Variants in ZNF704 observed in about 807,000 individuals in gnomAD.
ZNF704 encodes zinc finger protein 704, also known as glucocorticoid induced gene 1.
A neutral mutation model predicts 44.7 loss-of-function variants in ZNF704; 10 were observed. The ratio of observed to expected loss-of-function variants is 0.22; its 90% CI spans 0.14 to 0.38. The LOEUF (loss-of-function observed/expected upper bound fraction) is 0.38. Among genes scored for constraint, ZNF704 ranks in the 10% least tolerant of loss-of-function variants. ZNF704 has a pLI of 1.00. For missense variants in ZNF704, 390 were observed against 545.5 expected, an observed-to-expected ratio of 0.71 and a Z score of 2.84; for synonymous variants, 211 against 207.6, an observed-to-expected ratio of 1.02 and a Z score of -0.14.
At chr8:80,692,952 C>T (rs189103560) in intron 3 of ZNF704, 52 bp downstream of exon 3, 29 of 1,513,626 alleles carry the variant, frequency 1.9e-5, no homozygotes, top group Admixed American at 3.4e-5. Flanking sequence ...AAAGAAAGGC[C>T]CTGCTCTTGG....
At chr8:80,698,541 T>A (rs147121212) in intron 2 of ZNF704, among the ~76,000 whole-genome samples, 1 of 152,102 alleles carries the variant, frequency 6.6e-6, no homozygotes, top group Non-Finnish European at 1.5e-5. Flanking sequence ...TCAAGTGGAA[T>A]GGGGTTGGGA....
chr8:80,710,484 C>T (rs928114952), intron 2 of ZNF704, among the ~76,000 whole-genome samples: 6 of 152,070 alleles, frequency 3.9e-5, no homozygotes, highest in South Asian at 2.1e-4. Flanking sequence ...GTATGTGTTA[C>T]GACAGTGATT....
At chr8:80,803,324 T>C (rs941187296) in intron 2 of ZNF704, among the ~76,000 whole-genome samples, 1 of 152,132 alleles carries the variant, frequency 6.6e-6, no homozygotes, top group Non-Finnish European at 1.5e-5. Flanking sequence ...TTCACAGAAT[T>C]AGAAAAAACT....
At chr8:80,769,385 CT>C (rs1807281427) in intron 2 of ZNF704, among the ~76,000 whole-genome samples, 1 of 152,166 alleles carries the variant, frequency 6.6e-6, no homozygotes, top group South Asian at 2.1e-4. Context: ...TTTCACACTG[CT>C]GATAAAAGAC....
chr8:80,874,289 G>T lies in ZNF704; in HGVS notation c.-22+282C>A, dbSNP rs1221801294. On this transcript the variant is annotated intron_variant, in intron 1 of 8. Coordinates refer to ENST00000327835, the MANE Select transcript of ZNF704 (RefSeq NM_001033723.3). This position sits in a 1 kb window ranked among gnomAD's most constrained non-coding sequence, Gnocchi z 4.4. ...GGGGCGGCGCGGCGGCCGCGGGCGG[G>T]GGTGGGTGTGAGCGAGCGGCGCGCT... Among the ~76,000 whole-genome samples, 2 of 144,886 alleles carry T rather than the reference G, an allele frequency of 1.4e-5. No homozygotes were observed. The highest frequency in any genetic ancestry group is 2.5e-5 in the African/African-American group (1 of 40,302).
intron 2 of ZNF704, among the ~76,000 whole-genome samples, chr8:80,746,364 T>A (rs1249677282): frequency 6.6e-6 from 1 of 152,358 alleles, no homozygotes; most frequent in East Asian, 1.9e-4. Context: ...AGGGCAGACC[T>A]GGGTTTATGT....
chr8:80,737,100 A>G (rs77611391), intron 2 of ZNF704, among the ~76,000 whole-genome samples: 4 of 152,322 alleles, frequency 2.6e-5, no homozygotes, highest in Non-Finnish European at 4.4e-5. Context: ...TTGCATACCT[A>G]TATACACTAG....
the ZNF704 span, among the ~76,000 whole-genome samples, chr8:80,880,178 C>T: frequency 6.6e-6 from 1 of 152,190 alleles, no homozygotes. Flanking sequence ...CACTTGTCCA[C>T]CTTGTGAACA....
At chr8:80,875,536 T>A (rs971507934), upstream of ZNF704, among the ~76,000 whole-genome samples, 1 of 152,168 alleles carries the variant, frequency 6.6e-6, no homozygotes, top group African/African-American at 2.4e-5. Context: ...ACTCCTGACC[T>A]CAGATGATTT....
chr8:80,825,827 C>T (rs1388851778), intron 1 of ZNF704, among the ~76,000 whole-genome samples: 1 of 152,174 alleles, frequency 6.6e-6, no homozygotes, highest in East Asian at 1.9e-4. Context: ...TGAATGACTA[C>T]TGGGTACATC....
At chr8:80,651,501 G>T (rs1019446625) in intron 7 of ZNF704, among the ~76,000 whole-genome samples, 1 of 152,078 alleles carries the variant, frequency 6.6e-6, no homozygotes, top group Admixed American at 6.5e-5. Flanking sequence ...AACAAAAAAA[G>T]GCAGGGGTTG....
At chr8:80,781,114 A>G (rs1184674547) in intron 2 of ZNF704, among the ~76,000 whole-genome samples, 1 of 152,120 alleles carries the variant, frequency 6.6e-6, no homozygotes, top group Non-Finnish European at 1.5e-5. Context: ...GTCTTGTCTC[A>G]CTGTTCGCCT....
intron 1 of ZNF704, among the ~76,000 whole-genome samples, chr8:80,847,323 C>A (rs900642059): frequency 2.0e-5 from 3 of 151,910 alleles, no homozygotes; most frequent in African/African-American, 4.8e-5. Context: ...TGAAATAAAT[C>A]AAGGAAGACC....
intron 7 of ZNF704, among the ~76,000 whole-genome samples, chr8:80,652,080 C>T (rs1456394755): frequency 6.6e-6 from 1 of 152,130 alleles, no homozygotes; most frequent in Non-Finnish European, 1.5e-5. Flanking sequence ...GGGTACATCA[C>T]GAAATGAAGG....
At chr8:80,717,695 T>C (rs1288707864) in intron 2 of ZNF704, among the ~76,000 whole-genome samples, 1 of 152,270 alleles carries the variant, frequency 6.6e-6, no homozygotes, top group Non-Finnish European at 1.5e-5. Context: ...GTTGGCTAGC[T>C]GGTCTACCAC....
intron 2 of ZNF704, among the ~76,000 whole-genome samples, chr8:80,791,331 C>A (rs1216533425): frequency 6.6e-6 from 1 of 152,184 alleles, no homozygotes; most frequent in African/African-American, 2.4e-5. Flanking sequence ...CACTAGCCAT[C>A]CCTGTCCCTG....
At position 80,834,441 on chromosome 8, in the gene ZNF704, G is replaced by A. The variant is rs547910800; in HGVS notation, c.-21-12826C>T. Among the ~76,000 whole-genome samples, 14 of 152,292 alleles carry A rather than the reference G, an allele frequency of 9.2e-5. No homozygotes were observed. In the South Asian group the frequency reaches 2.7e-3, roughly 29 times the overall value. ...CCTGCGTTATGTTTTGGCATCATAT[G>A]TCCAAACCACACAACTACACTATCT... is the stretch of plus-strand genomic sequence containing the variant. On this transcript the variant is annotated intron_variant, in intron 1 of 8. Transcript: ENST00000327835.
At chr8:80,729,040 GT>G (rs1252630856) in intron 2 of ZNF704, among the ~76,000 whole-genome samples, 2 of 152,154 alleles carry the variant, frequency 1.3e-5, no homozygotes, top group African/African-American at 4.8e-5. Context: ...TACACCTGCA[GT>G]TTTCATCATT....
chr8:80,628,805 T>A lies in ZNF704; in HGVS notation c.*12561A>T, dbSNP rs905277288. On this transcript the variant is annotated 3_prime_UTR_variant, in exon 9 of 9. Transcript: ENST00000327835. ...CCAGAGGACCAGTGTAGCAAATCCTTAACTCTGGGGGGACAGAGCCACTTC... is the reference window on the plus strand; with the variant it reads ...CCAGAGGACCAGTGTAGCAAATCCTAAACTCTGGGGGGACAGAGCCACTTC... 1 of 152,200 alleles carries A rather than the reference T, an allele frequency of 6.6e-6. No homozygotes were observed. The highest frequency in any genetic ancestry group is 1.5e-5 in the Non-Finnish European group (1 of 68,034). 9.4% of individuals were successfully genotyped at this position (152,200 alleles called of 1,614,324 possible).
Sources: gnomAD v4.1 joint callset for allele counts (sites outside exome capture counted in the v4.1 genomes callset) on GRCh38, gnomAD v4.1.1 for gene constraint, Gnocchi (gnomAD v3.1) non-coding constraint, MANE v1.5 for transcripts, NCBI Gene and HGNC (gene_info 2026-07-23, HGNC 2026-07-21) for gene names.